MEI4: variants seen among roughly 807,000 people sequenced by gnomAD.
MEI4 encodes the protein meiosis-specific protein MEI4.
MEI4 carries 27 observed loss-of-function variants against 31.4 expected under a neutral mutation model. The observed-to-expected ratio is 0.86, with a 90% CI of 0.63 to 1.19. MEI4 has a LOEUF of 1.19. MEI4 is among the 50% of genes most tolerant of loss of function. The probability of loss-of-function intolerance (pLI) is 0.00; values close to 1 mark genes in which losing one functional copy is unlikely to be tolerated. For missense variants in MEI4, 329 were observed against 398.9 expected, an observed-to-expected ratio of 0.82 and a Z score of 1.49; for synonymous variants, 122 against 145.4, an observed-to-expected ratio of 0.84 and a Z score of 1.16.
intron 3 of MEI4, among the ~76,000 whole-genome samples, chr6:77,784,044 C>T (rs1768667500): frequency 1.3e-5 from 2 of 152,066 alleles, no homozygotes; most frequent in South Asian, 4.1e-4. Context: ...AATTTTTCTG[C>T]TAACTGACAT....
intron 2 of MEI4, among the ~76,000 whole-genome samples, chr6:77,714,790 G>A (rs1293140724): frequency 6.6e-6 from 1 of 152,106 alleles, no homozygotes; most frequent in Non-Finnish European, 1.5e-5. Context: ...TTCCTGGTGT[G>A]AAAGACTGCC....
intron 4 of MEI4, among the ~76,000 whole-genome samples, chr6:77,867,435 AC>A (rs1258100004): frequency 6.6e-5 from 10 of 152,212 alleles, no homozygotes; most frequent in Non-Finnish European, 1.2e-4. Flanking sequence ...TCAAAAGAAG[AC>A]ATTTATGTAG....
intron 3 of MEI4, among the ~76,000 whole-genome samples, chr6:77,807,147 G>GT (rs11336125): frequency 2.2e-3 from 318 of 142,978 alleles, no homozygotes; most frequent in Middle Eastern, 3.6e-3. Context: ...TGCTTCATAA[G>GT]TTTTTTTTTT....
chr6:77,883,078 A>C (rs1771526701), intron 4 of MEI4, among the ~76,000 whole-genome samples: 2 of 152,134 alleles, frequency 1.3e-5, no homozygotes, highest in South Asian at 4.1e-4. Context: ...AAATTAATTG[A>C]TCCATCTCAC....
chr6:77,834,217 T>G (rs1304335617), intron 4 of MEI4, among the ~76,000 whole-genome samples: 2 of 152,056 alleles, frequency 1.3e-5, no homozygotes, highest in Non-Finnish European at 2.9e-5. Flanking sequence ...TTTCTTTCTA[T>G]GGAACCTTTA....
chr6:77,887,830 G>A (rs948663689), intron 4 of MEI4, among the ~76,000 whole-genome samples: 27 of 152,052 alleles, frequency 1.8e-4, no homozygotes, highest in Admixed American at 6.6e-4. Context: ...TTAGTTGATT[G>A]TCTCTCTAAA....
At chr6:77,866,296 G>C (rs1771025684) in intron 4 of MEI4, among the ~76,000 whole-genome samples, 1 of 152,066 alleles carries the variant, frequency 6.6e-6, no homozygotes. Flanking sequence ...AATTGTCCCT[G>C]TTTGCAGATG....
Position 77,732,484 on chromosome 6 carries a change from C to G in MEI4, c.233-28646C>G, listed in dbSNP as rs1056179621. ...GATTTTTGCACATTGATCTTGTATC[C>G]TGAGACTTTGCTGAAGTTGCTTATC... On this transcript the variant is annotated intron_variant, in intron 2 of 4. Coordinates refer to ENST00000684080, the MANE Select transcript of MEI4 (RefSeq NM_001322247.2). Among the ~76,000 whole-genome samples, 5 of 152,046 alleles carry G rather than the reference C, an allele frequency of 3.3e-5. 1 individual carries two copies. Among genetic ancestry groups the G allele is most frequent in the African/African-American group, 1.2e-4 (5 of 41,310 alleles).
At chr6:77,901,488 A>G (rs1457320187) in intron 4 of MEI4, among the ~76,000 whole-genome samples, 3 of 151,942 alleles carry the variant, frequency 2.0e-5, no homozygotes, top group Non-Finnish European at 4.4e-5. Context: ...TGTTTCATAT[A>G]CCTATTGGCT....
At chr6:77,866,546 A>G (rs912338351) in intron 4 of MEI4, among the ~76,000 whole-genome samples, 3 of 152,238 alleles carry the variant, frequency 2.0e-5, no homozygotes, top group African/African-American at 7.2e-5. Context: ...TTGAAGGAGA[A>G]CTACAAACCA....
intron 3 of MEI4, among the ~76,000 whole-genome samples, chr6:77,769,629 A>G (rs147470792): frequency 6.6e-6 from 1 of 152,072 alleles, no homozygotes; most frequent in Non-Finnish European, 1.5e-5. Flanking sequence ...GGGGAAGAGG[A>G]CTTTGTTTTG....
intron 4 of MEI4, among the ~76,000 whole-genome samples, chr6:77,914,382 G>A (rs1443491327): frequency 4.0e-5 from 6 of 151,696 alleles, no homozygotes; most frequent in Admixed American, 2.0e-4. Flanking sequence ...TATTTAATTT[G>A]AATGTATTTG....
chr6:77,812,380 A>G (rs951423122), intron 3 of MEI4, among the ~76,000 whole-genome samples: 1 of 152,188 alleles, frequency 6.6e-6, no homozygotes, highest in African/African-American at 2.4e-5. Context: ...TATATAACTC[A>G]TATTGCTTAG....
intron 4 of MEI4, among the ~76,000 whole-genome samples, chr6:77,838,704 C>A (rs1191750924): frequency 6.6e-6 from 1 of 152,044 alleles, no homozygotes; most frequent in Non-Finnish European, 1.5e-5. Flanking sequence ...GAGTTCAAGA[C>A]CAGCCTGGCC....
chr6:77,789,772 T>G (rs554687026), intron 3 of MEI4, among the ~76,000 whole-genome samples: 2 of 152,266 alleles, frequency 1.3e-5, no homozygotes, highest in African/African-American at 4.8e-5. Context: ...CTGGAGAGGA[T>G]GTGGAGAAAT....
At position 77,923,407 on chromosome 6, in the gene MEI4, CATACTGAAA is replaced by C; in HGVS notation, c.*63_*71del. 2 of 1,165,548 alleles carry C rather than the reference CATACTGAAA, an allele frequency of 1.7e-6. No individual in the cohort carries two copies. The highest frequency in any genetic ancestry group is 6.4e-5 in the East Asian group (2 of 31,198). The allele number at this position is 1,165,548 out of a possible 1,614,324, so 72.2% of individuals were successfully genotyped here. ...AATAAAGTAGAATATATGAAAATCTCATACTGAAAAGATTTTCAATAGTATTTTAATTAG... is the reference window on the plus strand; with the variant it reads ...AATAAAGTAGAATATATGAAAATCTCAGATTTTCAATAGTATTTTAATTAG... On this transcript the variant is annotated 3_prime_UTR_variant, in exon 5 of 5. Transcript: ENST00000684080.
intron 1 of MEI4, among the ~76,000 whole-genome samples, chr6:77,675,926 A>G (rs1768836622): frequency 6.6e-6 from 1 of 152,162 alleles, no homozygotes; most frequent in Admixed American, 6.5e-5. Flanking sequence ...GGCCATTTCA[A>G]GTTTCTCTGC....
chr6:77,692,857 CAG>C (rs1769183810), intron 2 of MEI4, among the ~76,000 whole-genome samples: 1 of 151,936 alleles, frequency 6.6e-6, no homozygotes, highest in South Asian at 2.1e-4. Context: ...GAAGTATGGT[CAG>C]AGAGGATGAG....
intron 3 of MEI4, among the ~76,000 whole-genome samples, chr6:77,795,328 C>G (rs1008734878): frequency 3.3e-5 from 5 of 152,052 alleles, no homozygotes; most frequent in Admixed American, 3.3e-4. Flanking sequence ...GTTTAGAGAT[C>G]CAAATTGATT....
Sources: gnomAD v4.1 joint callset for allele counts (sites outside exome capture counted in the v4.1 genomes callset) on GRCh38, gnomAD v4.1.1 for gene constraint, MANE v1.5 for transcripts, NCBI Gene and HGNC (gene_info 2026-07-23, HGNC 2026-07-21) for gene names.